MBD5: variants seen among roughly 807,000 people sequenced by gnomAD.
MBD5 encodes the protein methyl-CpG-binding domain protein 5.
Under a neutral mutation model 117.3 loss-of-function variants are expected in MBD5, and 13 were observed. That is an observed-to-expected ratio of 0.11 (90% CI 0.07 to 0.18). MBD5 has a LOEUF of 0.18. Among genes scored for constraint, MBD5 ranks in the 10% least tolerant of loss-of-function variants. The probability of loss-of-function intolerance (pLI) is 1.00; values close to 1 mark genes in which losing one functional copy is unlikely to be tolerated. For synonymous variants in MBD5, 727 were observed against 766.4 expected (o/e 0.95, Z 0.85); for missense variants, 1,879 against 2,093.8 (o/e 0.90, Z 2.00).
intron 3 of MBD5, among the ~76,000 whole-genome samples, chr2:148,319,716 TTC>T (rs1408021364): frequency 1.3e-5 from 2 of 152,166 alleles, no homozygotes; most frequent in Non-Finnish European, 2.9e-5. Context: ...TAATTTGAAT[TTC>T]TGTTTTCCAA....
intron 1 of MBD5, among the ~76,000 whole-genome samples, chr2:148,104,166 G>GTTGTT (rs1696307404): frequency 1.3e-5 from 2 of 152,046 alleles, no homozygotes; most frequent in Non-Finnish European, 2.9e-5. Flanking sequence ...CTTCTGTCAT[G>GTTGTT]GTACATCTGT....
intron 1 of MBD5, among the ~76,000 whole-genome samples, chr2:148,147,989 C>A (rs1007139690): frequency 1.3e-5 from 2 of 152,112 alleles, no homozygotes; most frequent in African/African-American, 4.8e-5. Flanking sequence ...TTTTTGTAGA[C>A]CCCTATGAAC....
At chr2:148,409,079 TA>T in intron 4 of MBD5, among the ~76,000 whole-genome samples, 1 of 152,190 alleles carries the variant, frequency 6.6e-6, no homozygotes, top group East Asian at 1.9e-4. Flanking sequence ...AACTTGTGTA[TA>T]TTGTCTAAAA....
intron 9 of MBD5, chr2:148,485,218 A>G (rs1681298280): frequency 6.6e-6 from 1 of 152,572 alleles, no homozygotes. Context: ...ATTTTAGGTG[A>G]CCAACCTTCT....
At position 148,469,056 on chromosome 2, in the gene MBD5, G is replaced by A. The variant is rs1388005136; in HGVS notation, c.1113G>A (p.Gln371=). The part of the protein sequence containing the change: ...LDPIPSKPVN[Q]NPVIINPTSF... ...CTATTCCTAGTAAACCAGTGAATCAGAACCCTGTTATCATTAATCCAACCA... is the reference window on the plus strand; with the variant it reads ...CTATTCCTAGTAAACCAGTGAATCAAAACCCTGTTATCATTAATCCAACCA... Residue 371 remains glutamine, a synonymous_variant, in exon 8 of 14, where the codon CAG becomes CAA. Coordinates refer to ENST00000642680, the MANE Select transcript of MBD5 (RefSeq NM_001378120.1). 6.2e-7 allele frequency: 1 copy of A among 1,613,804 alleles called. No homozygotes were observed. Among genetic ancestry groups the A allele is most frequent in the South Asian group, 1.1e-5 (1 of 91,078 alleles).
At position 148,275,352 on chromosome 2, in the gene MBD5, C is replaced by G. The variant is rs138371121; in HGVS notation, c.-680+41957C>G. On this transcript the variant is annotated intron_variant, in intron 3 of 13. Transcript: ENST00000642680. Reference sequence around the variant, plus strand: ...TTATTGGACTCCTGGATTTGTCTCTCTATTAATCAGTGTTCTCCAGAGAAA... The same window carrying G: ...TTATTGGACTCCTGGATTTGTCTCTGTATTAATCAGTGTTCTCCAGAGAAA... Among the ~76,000 whole-genome samples the G allele has an allele frequency of 6.8e-4, 103 of 152,206 alleles. 1 individual carries two copies. The highest frequency in any genetic ancestry group is 1.3e-3 in the Non-Finnish European group (87 of 68,002).
At chr2:148,373,821 T>C (rs2105379893) in intron 4 of MBD5, among the ~76,000 whole-genome samples, 1 of 152,282 alleles carries the variant, frequency 6.6e-6, no homozygotes, top group South Asian at 2.1e-4. Context: ...TTAATTGACT[T>C]TGTGGCTTTC....
At chr2:148,446,956 A>C (rs988380358) in intron 4 of MBD5, among the ~76,000 whole-genome samples, 1 of 152,042 alleles carries the variant, frequency 6.6e-6, no homozygotes, top group Non-Finnish European at 1.5e-5. Flanking sequence ...TATATATCCT[A>C]AAATGAGTAA....
chr2:148,419,194 T>C (rs140040407), intron 4 of MBD5, among the ~76,000 whole-genome samples: 83 of 152,288 alleles, frequency 5.5e-4, no homozygotes, highest in Non-Finnish European at 9.1e-4. Context: ...AGAATGATAC[T>C]GGATCCCTAT....
chr2:148,393,021 G>T (rs1704609385), intron 4 of MBD5, among the ~76,000 whole-genome samples: 2 of 152,000 alleles, frequency 1.3e-5, no homozygotes, highest in Non-Finnish European at 2.9e-5. Context: ...CTCTGCTAGA[G>T]GTTACAGTAT....
chr2:148,483,811 C>T lies in MBD5; in HGVS notation c.3220C>T (p.Pro1074Ser), dbSNP rs1233376543. 1.3e-6 allele frequency: 2 copies of T among 1,550,560 alleles called. No homozygotes were observed. Among genetic ancestry groups the T allele is most frequent in the Admixed American group, 3.9e-5 (2 of 51,008 alleles). The change falls in exon 9 of 14, where the codon CCA becomes TCA. Residue 1074 changes from proline (P) to serine (S), a missense_variant. This residue lies in a region of MBD5 where 1,666 missense variants were observed against 1,792.2 expected (regional missense o/e 0.93). Coordinates refer to ENST00000642680, the MANE Select transcript of MBD5 (RefSeq NM_001378120.1). ...CACTACTTTTAACCCCCTGTTCCTC[C>T]CAGCTGTCAATGGGGCCTCAGGATT... ...SDTTFNPLFL[P>S]AVNGASGLMT...
intron 4 of MBD5, among the ~76,000 whole-genome samples, chr2:148,363,218 A>G (rs191701556): frequency 2.6e-5 from 4 of 152,186 alleles, no homozygotes; most frequent in African/African-American, 9.6e-5. Context: ...TTCTAACCCA[A>G]TGAAAGGAAG....
intron 2 of MBD5, among the ~76,000 whole-genome samples, chr2:148,189,197 C>T (rs998634795): frequency 3.4e-5 from 5 of 147,758 alleles, no homozygotes; most frequent in Admixed American, 2.7e-4. Flanking sequence ...CCCGCCATTG[C>T]TCAGGCTTGC....
chr2:148,380,648 G>A (rs914096865), intron 4 of MBD5, among the ~76,000 whole-genome samples: 1 of 152,164 alleles, frequency 6.6e-6, no homozygotes, highest in African/African-American at 2.4e-5. Context: ...CGCAGCTTGA[G>A]ATCTGAGAAT....
intron 4 of MBD5, among the ~76,000 whole-genome samples, chr2:148,418,429 A>G (rs773179734): frequency 6.6e-6 from 1 of 152,222 alleles, no homozygotes; most frequent in Non-Finnish European, 1.5e-5. Flanking sequence ...AAGTTAAACT[A>G]ACTCTGTTTG....
chr2:148,345,437 A>G (rs1201171546), intron 4 of MBD5, among the ~76,000 whole-genome samples: 2 of 98,094 alleles, frequency 2.0e-5, no homozygotes, highest in Admixed American at 9.7e-5. Context: ...ACATATACAT[A>G]TGTATATACA....
intron 4 of MBD5, among the ~76,000 whole-genome samples, chr2:148,388,478 A>G (rs531515758): frequency 3.9e-5 from 6 of 152,332 alleles, no homozygotes; most frequent in African/African-American, 7.2e-5. Flanking sequence ...GTTTGTAAGC[A>G]TGTGTTATTT....
At chr2:148,256,994 C>T (rs1278431153) in intron 3 of MBD5, among the ~76,000 whole-genome samples, 6 of 152,240 alleles carry the variant, frequency 3.9e-5, no homozygotes, top group Non-Finnish European at 7.3e-5. Flanking sequence ...CTGCTATAGG[C>T]TAAGTCATCC....
At chr2:148,216,712 T>C (rs1699564922) in intron 2 of MBD5, among the ~76,000 whole-genome samples, 1 of 152,128 alleles carries the variant, frequency 6.6e-6, no homozygotes, top group Non-Finnish European at 1.5e-5. Flanking sequence ...AGATCAGAGG[T>C]GCTAAGTGCT....
Sources: gnomAD v4.1 joint callset for allele counts (sites outside exome capture counted in the v4.1 genomes callset) on GRCh38, gnomAD v4.1.1 for gene constraint, gnomAD v4.1.1 regional missense constraint, MANE v1.5 for transcripts, NCBI Gene and HGNC (gene_info 2026-07-23, HGNC 2026-07-21) for gene names.